Variants in PBXIP1 observed in about 807,000 individuals in gnomAD.
The protein encoded by PBXIP1 is pre-B-cell leukemia transcription factor-interacting protein 1.
A neutral mutation model predicts 73.7 loss-of-function variants in PBXIP1; 73 were observed. That is an observed-to-expected ratio of 0.99 (90% CI 0.82 to 1.20). The LOEUF is 1.20. Among genes scored for constraint, PBXIP1 ranks in the 50% most tolerant of loss-of-function variants. The probability of loss-of-function intolerance (pLI) is 0.00; values close to 1 mark genes in which losing one functional copy is unlikely to be tolerated. For missense variants in PBXIP1, 818 were observed against 911.4 expected (o/e 0.90, Z 1.32); for synonymous variants, 330 against 366.9 (o/e 0.90, Z 1.15).
Position 154,945,775 on chromosome 1 carries a change from G to C in PBXIP1, c.1899C>G (p.Thr633=). The change falls in exon 10 of 11, where the codon ACC becomes ACG. Residue 633 remains threonine, a synonymous_variant. Transcript: ENST00000368463. ...AAGCAGGTGAGAGGGGTAGCTCCTT[G>C]GTCAGCTGCCCAGCCCAGGGCAGCC... The part of the protein sequence containing the change: ...LARLPWAGQL[T]KELPLSPAFF... The C allele has an allele frequency of 6.2e-7, 1 of 1,614,140 alleles. No individual in the cohort carries two copies. Among genetic ancestry groups the C allele is most frequent in the African/African-American group, 1.3e-5 (1 of 75,052 alleles).
rs1242814938 is a variant in PBXIP1, at chr1:154,951,913, T to C, written c.60A>G (p.Pro20=). The change falls in exon 3 of 11, where the codon CCA becomes CCG. Residue 20 remains proline, a synonymous_variant. Transcript: ENST00000368463. The surrounding 1 kb of genome is among the most constrained non-coding windows in gnomAD (Gnocchi z 4.3). ...SWVLAGSESL[P]VETLGPASRM... ...TGGATGCCGGGCCCAGTGTCTCCAC[T>C]GGCAGGCTCTGGGAGGAGAAGTGCA... 5.6e-6 allele frequency: 9 copies of C among 1,608,694 alleles called. No individual in the cohort carries two copies. Among genetic ancestry groups the C allele is most frequent in the Non-Finnish European group, 7.6e-6 (9 of 1,178,616 alleles).
chr1:154,946,596 G>A lies in PBXIP1; in HGVS notation c.1078C>T (p.Pro360Ser). ...TCCCTGATGGCCTTGTCACCCTGTGGGCCTCTACCCCCACTGAGGCACACC... is the reference window on the plus strand; with the variant it reads ...TCCCTGATGGCCTTGTCACCCTGTGAGCCTCTACCCCCACTGAGGCACACC... ...DGVCLSGGRG[P>S]QGDKAIREQG... The change falls in exon 10 of 11, where the codon CCA (proline) becomes TCA (serine). Residue 360 changes from proline (P) to serine (S), a missense_variant. Coordinates refer to ENST00000368463, the MANE Select transcript of PBXIP1 (RefSeq NM_020524.4). 1.2e-6 allele frequency: 2 copies of A among 1,613,060 alleles called. No individual in the cohort carries two copies. Among genetic ancestry groups the A allele is most frequent in the Non-Finnish European group, 1.7e-6 (2 of 1,179,734 alleles).
intron 10 of PBXIP1, 26 bp from the exon 11 acceptor site, chr1:154,945,143 G>T: frequency 6.4e-7 from 1 of 1,553,904 alleles, no homozygotes; most frequent in South Asian, 1.1e-5. Context: ...GGCCTTTAGG[G>T]GACAATACCA....
chr1:154,953,264 C>A (rs1189598831), intron 2 of PBXIP1, among the ~76,000 whole-genome samples: 3 of 152,176 alleles, frequency 2.0e-5, no homozygotes, highest in Non-Finnish European at 2.9e-5. Flanking sequence ...CAGGCTCTTC[C>A]GGTCTCTTCC....
intron 2 of PBXIP1, 54 bp downstream of exon 2, chr1:154,953,617 T>A (rs903146221): frequency 8.2e-7 from 1 of 1,213,832 alleles, no homozygotes; most frequent in Non-Finnish European, 1.2e-6. Context: ...AGCCCAGCAC[T>A]GCAGAAACAC....
chr1:154,951,161 G>A lies in PBXIP1; in HGVS notation c.409+71C>T. 7.1e-7 allele frequency: 1 copy of A among 1,417,066 alleles called. No homozygotes were observed. Among genetic ancestry groups the A allele is most frequent in the Non-Finnish European group, 9.9e-7 (1 of 1,009,638 alleles). 87.8% of individuals were successfully genotyped at this position (1,417,066 alleles called of 1,614,324 possible). On this transcript the variant is annotated intron_variant, in intron 5 of 10. Transcript: ENST00000368463. This position sits in a 1 kb window ranked among gnomAD's most constrained non-coding sequence, Gnocchi z 4.3. Reference sequence around the variant, plus strand: ...GGGCCTGGACCACAGCATGTGCTCAGTAGTGATGGCTGATCCCTCTCCCAT... The same window carrying A: ...GGGCCTGGACCACAGCATGTGCTCAATAGTGATGGCTGATCCCTCTCCCAT...
rs1654883376 is a variant in PBXIP1 at position 154,947,903 on chromosome 1, C to T, written c.667+79G>A. 3 of 1,495,084 alleles carry T rather than the reference C, an allele frequency of 2.0e-6. No homozygotes were observed. In the Admixed American group the frequency reaches 5.0e-5, roughly 25 times the overall value. 92.6% of individuals were successfully genotyped at this position (1,495,084 alleles called of 1,614,324 possible). On this transcript the variant is annotated intron_variant, in intron 7 of 10. Coordinates refer to ENST00000368463, the MANE Select transcript of PBXIP1 (RefSeq NM_020524.4). ...CTAACTGAGAAATAAATGTGAGCCC[C>T]CAGCACCCCTACTCCTGACCCACAG...
At chr1:154,946,857 C>T (rs1654845352) in intron 9 of PBXIP1, 54 bp from the exon 10 acceptor site, 1 of 1,478,356 alleles carries the variant, frequency 6.8e-7, no homozygotes, top group Non-Finnish European at 9.0e-7. Context: ...TCAGGATAGC[C>T]CCAATGCCTT....
chr1:154,949,589 G>A (rs1485140899), intron 5 of PBXIP1, among the ~76,000 whole-genome samples: 1 of 152,142 alleles, frequency 6.6e-6, no homozygotes, highest in African/African-American at 2.4e-5. Flanking sequence ...GGCTCTCACA[G>A]TCTTGTTTCC....
chr1:154,946,714 G>C lies in PBXIP1; in HGVS notation c.960C>G (p.Gly320=). The C allele has an allele frequency of 1.2e-6, 2 of 1,610,278 alleles. No individual in the cohort carries two copies. The highest frequency in any genetic ancestry group is 8.5e-7 in the Non-Finnish European group (1 of 1,177,316). Residue 320 remains glycine, a synonymous_variant, in exon 10 of 11, where the codon GGC becomes GGG. Coordinates refer to ENST00000368463, the MANE Select transcript of PBXIP1 (RefSeq NM_020524.4). ...ACTCCAGAGCCCGCTGGAAGGCTTC[G>C]CCCTGCTGCAGAGCCCCCCGGAGCT... ...NAQLRGALQQ[G]EAFQRALESE...
intron 1 of PBXIP1, chr1:154,955,051 C>T: frequency 3.0e-6 from 2 of 676,532 alleles, no homozygotes; most frequent in Non-Finnish European, 3.7e-6. Context: ...CAGTCAAGAT[C>T]CAAGTCCTGG....
chr1:154,950,846 G>T (rs1218486871), intron 5 of PBXIP1, among the ~76,000 whole-genome samples: 1 of 152,200 alleles, frequency 6.6e-6, no homozygotes, highest in Non-Finnish European at 1.5e-5. Flanking sequence ...CCACTCTTAG[G>T]TCTGATATGC....
In PBXIP1 at chr1:154,951,287, TG is replaced by T; in HGVS notation, c.353del (p.Thr118AsnfsTer132). 2 of 1,614,120 alleles carry T rather than the reference TG, an allele frequency of 1.2e-6. No individual in the cohort carries two copies. Among genetic ancestry groups the T allele is most frequent in the Non-Finnish European group, 1.7e-6 (2 of 1,179,980 alleles). ...GAGGGCTCTGGCCTTCCAGGTCCTG[TG>T]TGTCTGGTCCCAGGCCTGTCACCAC... The part of the protein sequence containing the change: ...TTVVTGLGPD[T>X]QDLEGQSPPQ... On this transcript the variant is annotated frameshift_variant, in exon 5 of 11. Transcript: ENST00000368463. LOFTEE classifies it high-confidence loss of function. The surrounding 1 kb of genome is among the most constrained non-coding windows in gnomAD (Gnocchi z 4.3).
At chr1:154,945,199 C>A in intron 10 of PBXIP1, 82 bp from the exon 11 acceptor site, 2 of 1,024,354 alleles carry the variant, frequency 2.0e-6, no homozygotes. Flanking sequence ...CTGCTCCTCC[C>A]AATGAAGCTG....
Position 154,944,880 on chromosome 1 carries a change from T to G in PBXIP1, c.*144A>C. 1 of 657,864 alleles carries G rather than the reference T, an allele frequency of 1.5e-6. No homozygotes were observed. Among genetic ancestry groups the G allele is most frequent in the South Asian group, 1.8e-5 (1 of 55,430 alleles). 40.8% of individuals were successfully genotyped at this position (657,864 alleles called of 1,614,324 possible). A position where few individuals can be genotyped will look rare whatever the true frequency, so the allele number is the denominator to read the frequency against. On this transcript the variant is annotated 3_prime_UTR_variant, in exon 11 of 11. Transcript: ENST00000368463. ...CTTTTTCTACATAAAGTGACATCAG[T>G]GCAGGGCTGGTGATTTTGCTCTACT...
chr1:154,947,573 C>T (rs774454003), intron 8 of PBXIP1, 25 bp from the exon 9 acceptor site: 2 of 1,602,432 alleles, frequency 1.2e-6, no homozygotes, highest in East Asian at 4.5e-5. Flanking sequence ...GCCTGTTATG[C>T]CATGCTACCC....
At chr1:154,947,747 G>A (rs1558038662) in intron 7 of PBXIP1, 35 bp from the exon 8 acceptor site, 1 of 1,594,286 alleles carries the variant, frequency 6.3e-7, no homozygotes, top group Non-Finnish European at 8.6e-7. Context: ...CTGGTCCTGA[G>A]GCACACAGAG....
At position 154,946,202 on chromosome 1, in the gene PBXIP1, T is replaced by C. The variant is rs1433099231; in HGVS notation, c.1472A>G (p.Lys491Arg). Residue 491 changes from lysine (K) to arginine (R), a missense_variant, in exon 10 of 11, where the codon AAA (lysine) becomes AGA (arginine). Transcript: ENST00000368463. Reference protein sequence around the residue: ...GQRDRKAEHWKHKKEESGRER... With the variant: ...GQRDRKAEHWRHKKEESGRER... ...CCGGCCAGATTCTTCCTTCTTATGT[T>C]TCCAGTGCTCAGCCTTCCGGTCTCT... is the stretch of plus-strand genomic sequence containing the variant. 6.2e-7 allele frequency: 1 copy of C among 1,614,152 alleles called. No homozygotes were observed. Among genetic ancestry groups the C allele is most frequent in the South Asian group, 1.1e-5 (1 of 91,084 alleles).
chr1:154,947,738 T>C (rs779076516), intron 7 of PBXIP1, 26 bp from the exon 8 acceptor site: 17 of 1,606,924 alleles, frequency 1.1e-5, no homozygotes, highest in Middle Eastern at 3.3e-4. Context: ...ACCCTGAAAC[T>C]GGTCCTGAGG....
Sources: gnomAD v4.1 joint callset for allele counts (sites outside exome capture counted in the v4.1 genomes callset) on GRCh38, gnomAD v4.1.1 for gene constraint, Gnocchi (gnomAD v3.1) non-coding constraint, MANE v1.5 for transcripts, NCBI Gene and HGNC (gene_info 2026-07-23, HGNC 2026-07-21) for gene names.